CAST: variants seen among roughly 807,000 people sequenced by gnomAD.
CAST encodes MIR583 host.
Under a neutral mutation model 119.6 loss-of-function variants are expected in CAST, and 76 were observed. That is an observed-to-expected ratio of 0.64 (90% confidence interval 0.53 to 0.77). The LOEUF (loss-of-function observed/expected upper bound fraction) is 0.77. CAST is among the 30% of genes least tolerant of loss of function. CAST has a pLI of 0.00. For synonymous variants in CAST, 319 were observed against 331.6 expected (o/e 0.96, Z 0.41); for missense variants, 953 against 946.5 (o/e 1.01, Z -0.09).
chr5:95,993,410 A>G, the CAST span, among the ~76,000 whole-genome samples: 1 of 152,166 alleles, frequency 6.6e-6, no homozygotes. Context: ...TTTGTACTGC[A>G]AGGGACATTT....
the CAST span, among the ~76,000 whole-genome samples, chr5:96,365,132 T>C: frequency 6.6e-6 from 1 of 152,184 alleles, no homozygotes; most frequent in African/African-American, 2.4e-5. Context: ...AGTTGAGCGG[T>C]TTTGAGTGAG....
intron 1 of CAST, among the ~76,000 whole-genome samples, chr5:96,617,463 A>G (rs1039056034): frequency 2.6e-5 from 4 of 152,176 alleles, no homozygotes; most frequent in Non-Finnish European, 4.4e-5. Flanking sequence ...GTATATTTTA[A>G]TCTTTATGCA....
At chr5:96,474,622 T>G in the CAST span, among the ~76,000 whole-genome samples, 4 of 152,090 alleles carry the variant, frequency 2.6e-5, no homozygotes, top group African/African-American at 9.7e-5. Context: ...TTATTCTGAG[T>G]GCAGTGGGGT....
intron 3 of CAST, among the ~76,000 whole-genome samples, chr5:96,721,185 C>T (rs1208943429): frequency 1.3e-5 from 2 of 151,812 alleles, no homozygotes; most frequent in African/African-American, 4.8e-5. Flanking sequence ...ACTGGGGCTT[C>T]TTGTATGTGT....
At chr5:96,586,510 G>A (rs1424593149) in intron 1 of CAST, among the ~76,000 whole-genome samples, 2 of 152,154 alleles carry the variant, frequency 1.3e-5, no homozygotes, top group Non-Finnish European at 2.9e-5. Context: ...TCCTATCCTG[G>A]GAGTTCAATG....
At chr5:96,091,206 C>CTT in the CAST span, among the ~76,000 whole-genome samples, 6 of 143,356 alleles carry the variant, frequency 4.2e-5, no homozygotes, top group Non-Finnish European at 6.1e-5. Context: ...GAATCTCTCT[C>CTT]TTTTTTTTTT....
At chr5:96,207,362 G>A in the CAST span, among the ~76,000 whole-genome samples, 2 of 151,992 alleles carry the variant, frequency 1.3e-5, no homozygotes, top group Non-Finnish European at 2.9e-5. Flanking sequence ...GTGAAAGGGG[G>A]CATCTTTGTC....
the CAST span, among the ~76,000 whole-genome samples, chr5:96,206,746 C>T: frequency 6.6e-6 from 1 of 151,954 alleles, no homozygotes; most frequent in East Asian, 1.9e-4. Context: ...GTGATGCCTC[C>T]GGCTTGTTCT....
the CAST span, among the ~76,000 whole-genome samples, chr5:96,238,554 A>ATTTTTTT: frequency 1.5e-5 from 2 of 136,246 alleles, no homozygotes; most frequent in Non-Finnish European, 1.6e-5. Flanking sequence ...CACCTGGCTA[A>ATTTTTTT]TTTTTTTTTT....
At chr5:96,643,742 G>A (rs112107696) in intron 1 of CAST, among the ~76,000 whole-genome samples, 196 of 152,142 alleles carry the variant, frequency 1.3e-3, no homozygotes, top group African/African-American at 3.7e-3. Flanking sequence ...GTGTGGTGGC[G>A]CGCACCTGTA....
At chr5:95,998,015 G>A in the CAST span, among the ~76,000 whole-genome samples, 5 of 130,272 alleles carry the variant, frequency 3.8e-5, no homozygotes, top group Middle Eastern at 4.5e-3. Context: ...GAGGAGAGTA[G>A]ACAGCTTCTG....
At chr5:96,769,276 G>A (rs893471371) in intron 29 of CAST, 4 of 152,116 alleles carry the variant, frequency 2.6e-5, no homozygotes, top group East Asian at 3.9e-4. Context: ...CTGGTAACTC[G>A]TAAGTAATGC....
At chr5:96,398,406 C>A in the CAST span, among the ~76,000 whole-genome samples, 2 of 152,206 alleles carry the variant, frequency 1.3e-5, no homozygotes, top group Admixed American at 1.3e-4. Context: ...AGCAAATGTT[C>A]ATACATCATA....
the CAST span, among the ~76,000 whole-genome samples, chr5:96,267,224 G>C: frequency 6.6e-6 from 1 of 152,092 alleles, no homozygotes; most frequent in East Asian, 1.9e-4. Context: ...ATGTTCAAGA[G>C]GGAGTTGAGC....
the CAST span, among the ~76,000 whole-genome samples, chr5:95,967,027 T>C: frequency 6.6e-6 from 1 of 152,188 alleles, no homozygotes; most frequent in East Asian, 1.9e-4. Context: ...AAAGATATCA[T>C]ATAGGCTCTG....
At chr5:96,357,898 A>G in the CAST span, among the ~76,000 whole-genome samples, 1 of 152,194 alleles carries the variant, frequency 6.6e-6, no homozygotes, top group Non-Finnish European at 1.5e-5. Flanking sequence ...TAGTTCCAGA[A>G]GGAATGGTAC....
the CAST span, among the ~76,000 whole-genome samples, chr5:96,116,820 G>A: frequency 2.0e-5 from 3 of 152,174 alleles, no homozygotes; most frequent in Non-Finnish European, 4.4e-5. Context: ...ATTTTTAAAA[G>A]TATTCTGGAT....
chr5:96,089,066 CTTTTTTTTTTT>C, the CAST span, among the ~76,000 whole-genome samples: 1 of 117,718 alleles, frequency 8.5e-6, no homozygotes, highest in African/African-American at 3.1e-5. Flanking sequence ...CTCCAAAAAT[CTTTTTTTTTTT>C]TTTTTTTTTT....
At chr5:95,994,926 T>A in the CAST span, among the ~76,000 whole-genome samples, 2 of 152,162 alleles carry the variant, frequency 1.3e-5, no homozygotes, top group Non-Finnish European at 2.9e-5. Flanking sequence ...ATAAAGGACA[T>A]TAAATATCAC....
Sources: gnomAD v4.1 joint callset for allele counts (sites outside exome capture counted in the v4.1 genomes callset) on GRCh38, gnomAD v4.1.1 for gene constraint, MANE v1.5 for transcripts, NCBI Gene and HGNC (gene_info 2026-07-23, HGNC 2026-07-21) for gene names.